SETD7: variants seen among roughly 807,000 people sequenced by gnomAD.
SETD7 encodes the protein SET domain containing 7, histone lysine methyltransferase.
Under a neutral mutation model 41.8 loss-of-function variants are expected in SETD7, and 16 were observed. The observed-to-expected ratio is 0.38, with a 90% confidence interval of 0.26 to 0.58. SETD7 has a LOEUF of 0.58. SETD7 is among the 20% of genes least tolerant of loss of function. SETD7 has a pLI of 0.64. For missense variants in SETD7, 346 were observed against 459.7 expected (o/e 0.75, Z 2.26); for synonymous variants, 163 against 169.7 (o/e 0.96, Z 0.31).
chr4:139,543,798 CA>C (rs1182628309), intron 2 of SETD7, among the ~76,000 whole-genome samples: 2,696 of 119,858 alleles, frequency 0.022, 48 homozygotes, highest in African/African-American at 0.046. Context: ...TAAAAAAATA[CA>C]AAAAAAAAAA....
chr4:139,515,526 C>T (rs915067997), intron 7 of SETD7, among the ~76,000 whole-genome samples: 5 of 152,188 alleles, frequency 3.3e-5, no homozygotes, highest in African/African-American at 1.2e-4. Flanking sequence ...TTTGTTACCA[C>T]CCCTTTAAAG....
At chr4:139,540,585 T>A (rs1727753939) in intron 2 of SETD7, among the ~76,000 whole-genome samples, 1 of 152,190 alleles carries the variant, frequency 6.6e-6, no homozygotes, top group Admixed American at 6.5e-5. Context: ...AGTTTCTTCG[T>A]ATGTCAAATG....
At chr4:139,528,452 G>A (rs1418210716) in intron 4 of SETD7, among the ~76,000 whole-genome samples, 1 of 152,162 alleles carries the variant, frequency 6.6e-6, no homozygotes, top group Non-Finnish European at 1.5e-5. Flanking sequence ...TTGAATTACT[G>A]CTGTCATTTC....
chr4:139,496,517 G>C (rs4863656), exon 8 of SETD7: 594,594 of 701,588 alleles, frequency 0.85, 253,923 homozygotes, highest in East Asian at 0.98. Context: ...TGATTCTTCT[G>C]GCCACTGAAA....
At chr4:139,526,685 C>A (rs2111143354) in intron 4 of SETD7, among the ~76,000 whole-genome samples, 1 of 152,208 alleles carries the variant, frequency 6.6e-6, no homozygotes, top group Middle Eastern at 3.4e-3. Flanking sequence ...GAAACAGGTT[C>A]TGAAAAAATA....
Position 139,510,622 on chromosome 4 carries a change from C to A in SETD7, c.*1041G>T, listed in dbSNP as rs985391921. 2 of 152,104 alleles carry A rather than the reference C, an allele frequency of 1.3e-5. No individual in the cohort carries two copies. Among genetic ancestry groups the A allele is most frequent in the Non-Finnish European group, 2.9e-5 (2 of 68,016 alleles). 9.4% of individuals were successfully genotyped at this position (152,104 alleles called of 1,614,324 possible). On this transcript the variant is annotated 3_prime_UTR_variant, in exon 8 of 8. Transcript: ENST00000274031. ...AATCAGTGTGTCTGCCTTAGTAGTA[C>A]TGACTAAAAAAATTTTTTTTTGAAT...
chr4:139,529,055 G>A lies in SETD7; in HGVS notation c.538C>T (p.Pro180Ser). ...ATLMSTEEGRPHFELMPGNSV... is the reference protein window; with the variant it reads ...ATLMSTEEGRSHFELMPGNSV... ...CTTCCAGGCATCAGTTCAAAGTGAG[G>A]CCTCCCTTCTTCAGTGGACATAAGG... The change falls in exon 4 of 8, where the codon CCT becomes TCT. Residue 180 changes from proline to serine, a missense_variant. Around this residue, in one of 3 missense-constraint regions of SETD7, gnomAD observed 266 missense variants for 377.0 expected, o/e 0.71. Transcript: ENST00000274031. 6.2e-7 allele frequency: 1 copy of A among 1,613,850 alleles called. No homozygotes were observed. Among genetic ancestry groups the A allele is most frequent in the Middle Eastern group, 1.6e-4 (1 of 6,062 alleles).
At position 139,556,171 on chromosome 4, in the gene SETD7, GC is replaced by G; in HGVS notation, c.-35del. On this transcript the variant is annotated 5_prime_UTR_variant, in exon 1 of 8. Transcript: ENST00000274031. Reference sequence around the variant, plus strand: ...GGGACACTGCCCAGCTCGGGGCTGCGCGGCTGCCTCCCGTCCCTCTGGGTGC... The same window carrying G: ...GGGACACTGCCCAGCTCGGGGCTGCGGGCTGCCTCCCGTCCCTCTGGGTGC... The G allele has an allele frequency of 6.3e-7, 1 of 1,582,322 alleles. No homozygotes were observed.
intron 2 of SETD7, among the ~76,000 whole-genome samples, chr4:139,545,775 T>A (rs942944428): frequency 2.6e-5 from 4 of 152,166 alleles, no homozygotes; most frequent in Non-Finnish European, 5.9e-5. Context: ...AGCTTAGACA[T>A]TTTCTTTCCC....
chr4:139,513,206 G>A (rs971867454), intron 7 of SETD7, among the ~76,000 whole-genome samples: 6 of 151,850 alleles, frequency 4.0e-5, no homozygotes, highest in Admixed American at 1.3e-4. Context: ...GATCACTTGA[G>A]GTCAGGAGTT....
intron 4 of SETD7, among the ~76,000 whole-genome samples, chr4:139,526,154 G>A (rs191116105): frequency 3.3e-5 from 5 of 152,088 alleles, no homozygotes; most frequent in Admixed American, 6.6e-5. Context: ...AGGTTCAAGC[G>A]GTTCTTGTGC....
At chr4:139,500,950 C>T (rs542130656) in intron 7 of SETD7, among the ~76,000 whole-genome samples, 78 of 152,264 alleles carry the variant, frequency 5.1e-4, no homozygotes, top group Non-Finnish European at 9.1e-4. Context: ...CACCTCAGGT[C>T]GTGGCTCTCT....
chr4:139,516,541 C>T (rs897338971), intron 7 of SETD7, among the ~76,000 whole-genome samples: 32 of 149,790 alleles, frequency 2.1e-4, no homozygotes, highest in African/African-American at 7.6e-4. Flanking sequence ...TTTGTAATGT[C>T]TATTTCATTT....
intron 3 of SETD7, among the ~76,000 whole-genome samples, chr4:139,531,431 C>A (rs1727479744): frequency 6.6e-6 from 1 of 152,158 alleles, no homozygotes; most frequent in Non-Finnish European, 1.5e-5. Context: ...TGCACTGTCA[C>A]ATCAGCAGCG....
In SETD7 at chr4:139,514,489, A is replaced by C. The variant is rs1726967648; in HGVS notation, c.921-2646T>G. Among the ~76,000 whole-genome samples the C allele has an allele frequency of 2.0e-5, 3 of 151,564 alleles. No individual in the cohort carries two copies. In the South Asian group the frequency reaches 6.3e-4, roughly 32 times the overall value. ...TTTTCAGAGTGTAGATAAGGGACAG[A>C]CTGAAAAGAAAGAATTCAATTTCAG... On this transcript the variant is annotated intron_variant, in intron 7 of 7. Coordinates refer to ENST00000274031, the MANE Select transcript of SETD7 (RefSeq NM_030648.4).
At chr4:139,551,028 C>G (rs955716837) in intron 1 of SETD7, among the ~76,000 whole-genome samples, 2 of 152,170 alleles carry the variant, frequency 1.3e-5, no homozygotes, top group East Asian at 3.8e-4. Context: ...AAGAAGGTAC[C>G]TCTAAAAAGG....
At chr4:139,502,936 A>C (rs938285777), downstream of SETD7, among the ~76,000 whole-genome samples, 2 of 152,060 alleles carry the variant, frequency 1.3e-5, no homozygotes, top group Non-Finnish European at 2.9e-5. Flanking sequence ...TAATCCTAAC[A>C]TTTTGAGAGA....
intron 2 of SETD7, among the ~76,000 whole-genome samples, chr4:139,544,419 G>A (rs931347382): frequency 4.6e-5 from 7 of 152,110 alleles, no homozygotes; most frequent in African/African-American, 1.4e-4. Flanking sequence ...GGCTAGTGCT[G>A]CCACTTGGCC....
rs749285388 is a variant in SETD7, at chr4:139,556,117, C to T, written c.21G>A (p.Met7Ile). Residue 7 changes from methionine to isoleucine, a missense_variant, in exon 1 of 8, where the codon ATG becomes ATA. By Grantham distance (10) the Met-to-Ile change is conservative. This residue lies in a region of SETD7 where 266 missense variants were observed against 377.0 expected (regional missense o/e 0.71). Transcript: ENST00000274031. The part of the protein sequence containing the change: MDSDDE[M>I]VEEAVEGHLD... ...TTGTACCTTCCACCGCCTCCTCCAC[C>T]ATCTCGTCGTCGCTATCCATGGCGG... 6.2e-7 allele frequency: 1 copy of T among 1,604,782 alleles called. No homozygotes were observed. The highest frequency in any genetic ancestry group is 8.5e-7 in the Non-Finnish European group (1 of 1,176,212).
Sources: allele counts gnomAD v4.1 joint callset (sites outside exome capture counted in the v4.1 genomes callset), GRCh38; gene constraint gnomAD v4.1.1; regional missense constraint gnomAD v4.1.1; transcripts MANE v1.5; gene names NCBI Gene and HGNC (gene_info 2026-07-23, HGNC 2026-07-21).